The following TRIM66 variants were observed in gnomAD, a reference collection of about 807,000 sequenced individuals.
TRIM66 encodes the protein tripartite motif containing 66.
TRIM66 carries 99 observed loss-of-function variants against 148.2 expected under a neutral mutation model. That is an observed-to-expected ratio of 0.67 (90% confidence interval 0.57 to 0.79). TRIM66 has a LOEUF of 0.79. Ranked by LOEUF, TRIM66 falls within the 30% of genes least tolerant of loss-of-function variation. The pLI is 0.00. For missense variants in TRIM66, 1,666 were observed against 1,697.9 expected, an observed-to-expected ratio of 0.98 and a Z score of 0.33; for synonymous variants, 616 against 635.9, an observed-to-expected ratio of 0.97 and a Z score of 0.47.
At chr11:8,659,550 C>T (rs960678394) in intron 6 of TRIM66, among the ~76,000 whole-genome samples, 1 of 152,148 alleles carries the variant, frequency 6.6e-6, no homozygotes, top group African/African-American at 2.4e-5. Context: ...TCTATACCTT[C>T]CTTTCTCTGG....
At chr11:8,634,130 A>C (rs1218303864) in intron 15 of TRIM66, among the ~76,000 whole-genome samples, 1 of 152,188 alleles carries the variant, frequency 6.6e-6, no homozygotes, top group Non-Finnish European at 1.5e-5. Flanking sequence ...TGGGACCCGG[A>C]TAGGGCTTTC....
upstream of TRIM66, chr11:8,682,720 T>G (rs1261244474): frequency 9.3e-6 from 14 of 1,510,514 alleles, no homozygotes; most frequent in Non-Finnish European, 1.3e-5. Flanking sequence ...AAGCCCGGCC[T>G]CTGTGACCGG....
intron 10 of TRIM66, among the ~76,000 whole-genome samples, chr11:8,647,698 C>A (rs903817743): frequency 3.7e-4 from 57 of 152,314 alleles, no homozygotes; most frequent in Non-Finnish European, 1.5e-5. Flanking sequence ...CAAGCACCGA[C>A]TTCTGGCTAG....
Position 8,671,822 on chromosome 11 carries a change from C to T in TRIM66, c.304G>A (p.Gly102Arg), listed in dbSNP as rs1409596136. The T allele has an allele frequency of 2.0e-6, 3 of 1,516,118 alleles. No homozygotes were observed. The highest frequency in any genetic ancestry group is 3.9e-5 in the Admixed American group (2 of 50,980). 93.9% of individuals were successfully genotyped at this position (1,516,118 alleles called of 1,614,324 possible). ...DCFQGLIQEL[G>R]QIAKAHETVA... ...GTCTCATGAGCCTTGGCAATCTGCC[C>T]TAGCTCCTGTATCAAGCCCTGGAAG... Residue 102 changes from glycine to arginine, a missense_variant, in exon 6 of 25, where the codon GGG becomes AGG. Gly to Arg is a moderately radical substitution (Grantham distance 125, BLOSUM62 -2). Coordinates refer to ENST00000646038, the MANE Select transcript of TRIM66 (RefSeq NM_001388022.1).
chr11:8,675,333 T>C (rs2039125019), intron 3 of TRIM66, among the ~76,000 whole-genome samples: 1 of 152,256 alleles, frequency 6.6e-6, no homozygotes, highest in Non-Finnish European at 1.5e-5. Flanking sequence ...CAATTCACTT[T>C]TGAGAAAATA....
intron 6 of TRIM66, among the ~76,000 whole-genome samples, chr11:8,666,579 A>G (rs1216101799): frequency 2.6e-5 from 4 of 151,996 alleles, no homozygotes; most frequent in African/African-American, 9.7e-5. Context: ...TCCTCATTTC[A>G]TCTTCACAAC....
chr11:8,648,193 G>A (rs2037038292), intron 9 of TRIM66, 107 bp from the exon 10 acceptor site: 6 of 1,199,468 alleles, frequency 5.0e-6, no homozygotes, highest in African/African-American at 1.5e-5. Flanking sequence ...ACCCATGGAA[G>A]CTGTGATGAC....
intron 15 of TRIM66, among the ~76,000 whole-genome samples, chr11:8,626,692 C>T (rs1167745875): frequency 6.6e-6 from 1 of 152,126 alleles, no homozygotes; most frequent in Non-Finnish European, 1.5e-5. Flanking sequence ...AACACGGATC[C>T]GATCACATCA....
intron 13 of TRIM66, among the ~76,000 whole-genome samples, chr11:8,642,599 T>G (rs945922670): frequency 2.6e-5 from 4 of 152,094 alleles, no homozygotes; most frequent in African/African-American, 9.7e-5. Context: ...AGTCTCACTG[T>G]TGCTGAGATA....
chr11:8,620,033 A>G lies in TRIM66; in HGVS notation c.3747+17T>C. On this transcript the variant is annotated intron_variant, in intron 22 of 24. Coordinates refer to ENST00000646038, the MANE Select transcript of TRIM66 (RefSeq NM_001388022.1). Reference sequence around the variant, plus strand: ...ACATGCAAGGAGAAGGTGAGAGAACAGCGTGGCCTTCCTTACCAGGGGGCT... The same window carrying G: ...ACATGCAAGGAGAAGGTGAGAGAACGGCGTGGCCTTCCTTACCAGGGGGCT... The G allele has an allele frequency of 5.2e-6, 8 of 1,550,896 alleles. No homozygotes were observed. The highest frequency in any genetic ancestry group is 7.0e-6 in the Non-Finnish European group (8 of 1,146,230).
intron 3 of TRIM66, 23 bp downstream of exon 3, chr11:8,679,597 T>G (rs2039326607): frequency 6.6e-6 from 1 of 152,660 alleles, no homozygotes; most frequent in South Asian, 2.1e-4. Context: ...TCCCTTTCAT[T>G]CCCAAGGCCC....
chr11:8,676,761 T>A (rs1050869346), intron 3 of TRIM66, among the ~76,000 whole-genome samples: 1 of 152,174 alleles, frequency 6.6e-6, no homozygotes, highest in Non-Finnish European at 1.5e-5. Context: ...CTCCTTCTTA[T>A]CTCCCCTGAC....
chr11:8,628,117 C>G (rs1387539607), intron 15 of TRIM66, among the ~76,000 whole-genome samples: 1 of 151,754 alleles, frequency 6.6e-6, no homozygotes, highest in Non-Finnish European at 1.5e-5. Context: ...CAGGCATGAA[C>G]CACCACGCCC....
chr11:8,649,713 G>A (rs1409965516), intron 8 of TRIM66, 27 bp downstream of exon 8: 2 of 1,542,526 alleles, frequency 1.3e-6, no homozygotes, highest in East Asian at 2.4e-5. Flanking sequence ...GGGCATGGGA[G>A]TGGGCAGGGA....
chr11:8,636,784 A>G (rs922481609), intron 15 of TRIM66, among the ~76,000 whole-genome samples: 2 of 152,058 alleles, frequency 1.3e-5, no homozygotes, highest in African/African-American at 2.4e-5. Flanking sequence ...AATTCAAACC[A>G]TATCCCTCCT....
rs897994696 is a variant in TRIM66, at chr11:8,671,877, T to C, written c.249A>G (p.Leu83=). 7 of 1,536,084 alleles carry C rather than the reference T, an allele frequency of 4.6e-6. No individual in the cohort carries two copies. Among genetic ancestry groups the C allele is most frequent in the East Asian group, 2.4e-5 (1 of 40,920 alleles). The change falls in exon 6 of 25, where the codon CTA becomes CTG. Residue 83 remains leucine (L), a synonymous_variant. Transcript: ENST00000646038. ...CCTTACGGAGCAAATGCTGGCAGGA[T>C]AGGAGATGAGAGCCCATACCTGGCA... The part of the protein sequence containing the change: ...QDLPGMGSHL[L]SCQHLLRKDC...
At chr11:8,649,706 C>T (rs2037184649) in intron 8 of TRIM66, 34 bp downstream of exon 8, 10 of 1,541,712 alleles carry the variant, frequency 6.5e-6, no homozygotes, top group Non-Finnish European at 7.9e-6. Context: ...TGCTTTAGGG[C>T]ATGGGAGTGG....
chr11:8,636,508 T>C (rs1277844378), intron 15 of TRIM66, among the ~76,000 whole-genome samples: 1 of 152,046 alleles, frequency 6.6e-6, no homozygotes, highest in East Asian at 1.9e-4. Flanking sequence ...CTAAATATGC[T>C]CTTTTTCCCA....
chr11:8,675,582 A>T (rs867002216), intron 3 of TRIM66, among the ~76,000 whole-genome samples: 20 of 151,662 alleles, frequency 1.3e-4, no homozygotes, highest in African/African-American at 4.8e-4. Flanking sequence ...GGGTTTCTCC[A>T]TGTTGGTTAG....
Sources: gnomAD v4.1 joint callset for allele counts (sites outside exome capture counted in the v4.1 genomes callset) on GRCh38, gnomAD v4.1.1 for gene constraint, MANE v1.5 for transcripts, NCBI Gene and HGNC (gene_info 2026-07-23, HGNC 2026-07-21) for gene names.